Variants in PIP4K2A observed in about 807,000 individuals in gnomAD.
The protein encoded by PIP4K2A is phosphatidylinositol-5-phosphate 4-kinase type 2 alpha, also known as phosphatidylinositol 5-phosphate 4-kinase type-2 alpha.
PIP4K2A carries 14 observed loss-of-function variants against 42.9 expected under a neutral mutation model. That is an observed-to-expected ratio of 0.33 (90% confidence interval 0.22 to 0.51). PIP4K2A has a LOEUF of 0.51. Ranked by LOEUF, PIP4K2A falls within the 20% of genes least tolerant of loss-of-function variation. The pLI, the probability that PIP4K2A is intolerant of heterozygous loss-of-function variation, is 0.97. For synonymous variants in PIP4K2A, 192 were observed against 192.2 expected (o/e 1.00, Z 0.01); for missense variants, 434 against 519.8 (o/e 0.83, Z 1.61).
intron 1 of PIP4K2A, among the ~76,000 whole-genome samples, chr10:22,637,758 G>A (rs1426198152): frequency 6.6e-6 from 1 of 152,130 alleles, no homozygotes; most frequent in Non-Finnish European, 1.5e-5. Flanking sequence ...CCAAAGCAAA[G>A]CAACTCGGCC....
chr10:22,650,570 A>G (rs2130810530), intron 1 of PIP4K2A, among the ~76,000 whole-genome samples: 1 of 152,342 alleles, frequency 6.6e-6, no homozygotes. Flanking sequence ...GCTCAATTTT[A>G]CTGTGATATT....
intron 1 of PIP4K2A, among the ~76,000 whole-genome samples, chr10:22,670,597 T>G (rs1839429236): frequency 6.6e-6 from 1 of 152,180 alleles, no homozygotes; most frequent in African/African-American, 2.4e-5. Context: ...TTTCAAAAAT[T>G]TTGTCTCACC....
At chr10:22,630,934 T>C (rs1838534104) in intron 1 of PIP4K2A, among the ~76,000 whole-genome samples, 1 of 152,118 alleles carries the variant, frequency 6.6e-6, no homozygotes, top group Non-Finnish European at 1.5e-5. Flanking sequence ...TTATTCTTCT[T>C]ACAAGACTAA....
chr10:22,549,828 G>C (rs185048643), intron 7 of PIP4K2A, among the ~76,000 whole-genome samples: 3 of 77,732 alleles, frequency 3.9e-5, no homozygotes, highest in African/African-American at 1.5e-4. Context: ...AAGACAGTGA[G>C]AATCCATCTC....
intron 1 of PIP4K2A, among the ~76,000 whole-genome samples, chr10:22,682,606 T>C (rs893258597): frequency 2.6e-4 from 40 of 152,252 alleles, no homozygotes; most frequent in Non-Finnish European, 5.9e-5. Flanking sequence ...AACCACATGG[T>C]TGGTGCTCCG....
chr10:22,656,204 T>A (rs544685503), intron 1 of PIP4K2A, among the ~76,000 whole-genome samples: 1 of 152,242 alleles, frequency 6.6e-6, no homozygotes, highest in Non-Finnish European at 1.5e-5. Flanking sequence ...GGACACCGGC[T>A]GTTCCCGCTC....
At chr10:22,628,822 A>G (rs1332615874) in intron 1 of PIP4K2A, among the ~76,000 whole-genome samples, 2 of 152,230 alleles carry the variant, frequency 1.3e-5, no homozygotes, top group African/African-American at 2.4e-5. Flanking sequence ...CAAGCTTCAG[A>G]AAGAACAGAC....
At chr10:22,620,940 ATT>A (rs1333731167) in intron 1 of PIP4K2A, among the ~76,000 whole-genome samples, 4 of 152,234 alleles carry the variant, frequency 2.6e-5, no homozygotes. Context: ...AGGGACAAAG[ATT>A]GGAAGAAAAG....
At chr10:22,564,789 C>G (rs1836799998) in intron 6 of PIP4K2A, among the ~76,000 whole-genome samples, 1 of 152,234 alleles carries the variant, frequency 6.6e-6, no homozygotes, top group African/African-American at 2.4e-5. Flanking sequence ...CTTCTCTCCT[C>G]CTTACCTGCT....
intron 7 of PIP4K2A, among the ~76,000 whole-genome samples, chr10:22,549,600 G>A (rs1459288428): frequency 1.8e-4 from 28 of 151,834 alleles, no homozygotes; most frequent in African/African-American, 6.5e-4. Flanking sequence ...CCAGCACTTT[G>A]GGAGGCAGAG....
chr10:22,702,674 C>T (rs942016267), intron 1 of PIP4K2A, among the ~76,000 whole-genome samples: 4 of 152,136 alleles, frequency 2.6e-5, no homozygotes, highest in South Asian at 2.1e-4. Flanking sequence ...CTGCACAACC[C>T]GCTCAGCAAA....
intron 6 of PIP4K2A, among the ~76,000 whole-genome samples, chr10:22,559,625 C>G (rs935533564): frequency 6.6e-6 from 1 of 152,106 alleles, no homozygotes; most frequent in African/African-American, 2.4e-5. Context: ...TTATGGGGTT[C>G]TTATCTATAT....
At chr10:22,624,038 CTAA>C (rs1295315718) in intron 1 of PIP4K2A, among the ~76,000 whole-genome samples, 2 of 152,274 alleles carry the variant, frequency 1.3e-5, no homozygotes, top group East Asian at 1.9e-4. Flanking sequence ...GAGATACCAG[CTAA>C]TGATACTCCA....
rs553184076 is a variant in PIP4K2A, at chr10:22,541,982, G to T, written c.858C>A (p.Ala286=). The T allele has an allele frequency of 6.2e-7, 1 of 1,613,888 alleles. No homozygotes were observed. The highest frequency in any genetic ancestry group is 1.3e-5 in the African/African-American group (1 of 74,954). The part of the protein sequence containing the change: ...LLVGIHDVER[A]EQEEVECEEN... The stretch of plus-strand genomic sequence containing the variant: ...CCTCACACTCCACTTCCTCCTGTTC[G>T]GCTCTCTCCACATCATGAATTCCCA... Residue 286 remains alanine (A), a synonymous_variant, in exon 8 of 10, where the codon GCC becomes GCA. Transcript: ENST00000376573.
intron 1 of PIP4K2A, among the ~76,000 whole-genome samples, chr10:22,671,994 G>A (rs527773685): frequency 5.7e-4 from 87 of 152,126 alleles, no homozygotes; most frequent in African/African-American, 1.9e-3. Flanking sequence ...CTAAGTCAAA[G>A]CTATTAGACA....
intron 1 of PIP4K2A, among the ~76,000 whole-genome samples, chr10:22,621,808 G>A (rs552488082): frequency 6.6e-6 from 1 of 152,376 alleles, no homozygotes; most frequent in South Asian, 2.1e-4. Context: ...AGACTTCACA[G>A]TTGGGACCTT....
At chr10:22,619,439 C>CTTTTTTTTTTTTTTT (rs746519034) in intron 1 of PIP4K2A, among the ~76,000 whole-genome samples, 1 of 137,508 alleles carries the variant, frequency 7.3e-6, no homozygotes, top group African/African-American at 2.8e-5. Flanking sequence ...TTTCTTTTTT[C>CTTTTTTTTTTTTTTT]TTTTTTTTTT....
At chr10:22,653,315 C>T (rs1300525971) in intron 1 of PIP4K2A, among the ~76,000 whole-genome samples, 1 of 152,118 alleles carries the variant, frequency 6.6e-6, no homozygotes, top group East Asian at 1.9e-4. Flanking sequence ...ACAGCCAAGC[C>T]AGGCCACTTC....
intron 1 of PIP4K2A, among the ~76,000 whole-genome samples, chr10:22,633,387 C>T (rs1838594646): frequency 6.6e-6 from 1 of 152,222 alleles, no homozygotes; most frequent in African/African-American, 2.4e-5. Flanking sequence ...GTAGAACACA[C>T]TCACTTTCTG....
Sources: gnomAD v4.1 joint callset for allele counts (sites outside exome capture counted in the v4.1 genomes callset) on GRCh38, gnomAD v4.1.1 for gene constraint, MANE v1.5 for transcripts, NCBI Gene and HGNC (gene_info 2026-07-23, HGNC 2026-07-21) for gene names.